The following ACOX2 variants were observed in gnomAD, a reference collection of about 807,000 sequenced individuals.
ACOX2 encodes peroxisomal acyl-coenzyme A oxidase 2.
In ACOX2, 59 loss-of-function variants were observed where a neutral mutation model predicts 77.5. The observed-to-expected ratio is 0.76, with a 90% CI of 0.62 to 0.95. The LOEUF (loss-of-function observed/expected upper bound fraction) is 0.95, where lower values mean the gene tolerates loss of function less well. Among genes scored for constraint, ACOX2 ranks in the 40% least tolerant of loss-of-function variants. ACOX2 has a pLI of 0.00. For missense variants in ACOX2, 837 were observed against 880.4 expected, an observed-to-expected ratio of 0.95 and a Z score of 0.62; for synonymous variants, 317 against 340.1, an observed-to-expected ratio of 0.93 and a Z score of 0.75.
chr3:58,505,237 C>A lies in ACOX2; in HGVS notation c.2033G>T (p.Arg678Ile). The part of the protein sequence containing the change: ...EYIRPLLQSW[R>I]SKL ...CTGTTGGTTATTTCATAGCTTGGAT[C>A]TCCAACTTTGTAAAAGTGGTCTTAT... The change falls in exon 15 of 15, where the codon AGA becomes ATA. Residue 678 changes from arginine to isoleucine, a missense_variant. By Grantham distance (97) the Arg-to-Ile change is moderately conservative (BLOSUM62 -3). Coordinates refer to ENST00000302819, the MANE Select transcript of ACOX2 (RefSeq NM_003500.4). The surrounding 1 kb of genome is among the most constrained non-coding windows in gnomAD (Gnocchi z 4.4). 1 of 1,613,056 alleles carries A rather than the reference C, an allele frequency of 6.2e-7. No individual in the cohort carries two copies. The highest frequency in any genetic ancestry group is 1.3e-5 in the African/African-American group (1 of 75,008).
chr3:58,526,664 A>G lies in ACOX2; in HGVS notation c.1156-8T>C. 1 of 1,612,576 alleles carries G rather than the reference A, an allele frequency of 6.2e-7. No individual in the cohort carries two copies. The highest frequency in any genetic ancestry group is 8.5e-7 in the Non-Finnish European group (1 of 1,179,208). ...CGTGCTCAGTGCGTGGAGCTGTGAG[A>G]ACATGGAGGGGGGTTGGGCGGTGTT... is the stretch of plus-strand genomic sequence containing the variant. On this transcript the variant is annotated splice_polypyrimidine_tract_variant and splice_region_variant and intron_variant, in intron 9 of 14. Transcript: ENST00000302819. The surrounding 1 kb of genome is among the most constrained non-coding windows in gnomAD (Gnocchi z 4.3).
Position 58,524,314 on chromosome 3 carries a change from G to T in ACOX2, c.1526+112C>A. On this transcript the variant is annotated intron_variant, in intron 11 of 14. Transcript: ENST00000302819. This position sits in a 1 kb window ranked among gnomAD's most constrained non-coding sequence, Gnocchi z 5.5. ...GAGAGGACCGGGGAGGCTAGGCATG[G>T]GGTGGTTTTTAGAACTGAATCCACG... The T allele has an allele frequency of 7.4e-7, 1 of 1,347,074 alleles. No homozygotes were observed. The highest frequency in any genetic ancestry group is 1.0e-6 in the Non-Finnish European group (1 of 985,866). The allele number at this position is 1,347,074 out of a possible 1,614,324, so 83.4% of individuals were successfully genotyped here.
rs199567335 is a variant in ACOX2, at chr3:58,534,149, T to C, written c.324-4A>G. The C allele has an allele frequency of 7.3e-5, 118 of 1,613,894 alleles. No homozygotes were observed. The highest frequency in any genetic ancestry group is 1.7e-4 in the Middle Eastern group (1 of 6,044). ...GGCCACGTCTCCAGAAAGGGCTCTGTTGGGGAGAGATGCTGTAGTTGAGTA... is the reference window on the plus strand; with the variant it reads ...GGCCACGTCTCCAGAAAGGGCTCTGCTGGGGAGAGATGCTGTAGTTGAGTA... On this transcript the variant is annotated splice_region_variant and splice_polypyrimidine_tract_variant and intron_variant, in intron 3 of 14. Coordinates refer to ENST00000302819, the MANE Select transcript of ACOX2 (RefSeq NM_003500.4). The surrounding 1 kb of genome is among the most constrained non-coding windows in gnomAD (Gnocchi z 4.8).
At position 58,522,293 on chromosome 3, in the gene ACOX2, T is replaced by C. The variant is rs2063364010; in HGVS notation, c.1632+203A>G. Among the ~76,000 whole-genome samples the C allele has an allele frequency of 6.6e-6, 1 of 152,202 alleles. No individual in the cohort carries two copies. The highest frequency in any genetic ancestry group is 2.1e-4 in the South Asian group (1 of 4,820). ...CCAATAACACTGCCTCATTACCTTT[T>C]CCCCTAAGAGCTGCCAGCAAGATTG... is the stretch of plus-strand genomic sequence containing the variant. On this transcript the variant is annotated intron_variant, in intron 12 of 14. Coordinates refer to ENST00000302819, the MANE Select transcript of ACOX2 (RefSeq NM_003500.4). The surrounding 1 kb of genome is among the most constrained non-coding windows in gnomAD (Gnocchi z 4.3).
chr3:58,536,239 G>A lies in ACOX2; in HGVS notation c.-92+880C>T, dbSNP rs541836567. ...GTTCCCTGGGTGCTCTAGGGTTAGGGACAAGTTCTTATTTGCTTACATGTT... is the reference window on the plus strand; with the variant it reads ...GTTCCCTGGGTGCTCTAGGGTTAGGAACAAGTTCTTATTTGCTTACATGTT... On this transcript the variant is annotated intron_variant, in intron 1 of 14. Coordinates refer to ENST00000302819, the MANE Select transcript of ACOX2 (RefSeq NM_003500.4). Among the ~76,000 whole-genome samples, 4 of 152,172 alleles carry A rather than the reference G, an allele frequency of 2.6e-5. No individual in the cohort carries two copies. The South Asian group carries it at 6.2e-4, about 24-fold the overall frequency.
chr3:58,530,347 G>GT (rs1327460607), intron 8 of ACOX2, 119 bp downstream of exon 8: 1 of 1,385,482 alleles, frequency 7.2e-7, no homozygotes, highest in Admixed American at 1.9e-5. Context: ...TGTGTATGTG[G>GT]TGGGGGGCAT....
rs772840023 is a variant in ACOX2, at chr3:58,528,994, T to G, written c.993-38A>C. On this transcript the variant is annotated intron_variant, in intron 8 of 14. Coordinates refer to ENST00000302819, the MANE Select transcript of ACOX2 (RefSeq NM_003500.4). The surrounding 1 kb of genome is among the most constrained non-coding windows in gnomAD (Gnocchi z 5.6). ...GAACCAGAAGATTTAGATCACTACC[T>G]GTTGTGTCCACCTTCCCCTATCCCC... The G allele has an allele frequency of 5.2e-6, 8 of 1,546,988 alleles. No homozygotes were observed. Among genetic ancestry groups the G allele is most frequent in the Non-Finnish European group, 6.1e-6 (7 of 1,144,318 alleles).
chr3:58,506,467 T>C (rs2063234680), intron 14 of ACOX2, among the ~76,000 whole-genome samples: 2 of 152,218 alleles, frequency 1.3e-5, no homozygotes, highest in Non-Finnish European at 1.5e-5. Flanking sequence ...CTTTTATGTC[T>C]ACAGGGTGTG....
Position 58,517,309 on chromosome 3 carries a change from C to T in ACOX2, c.1747G>A (p.Gly583Arg), listed in dbSNP as rs777996709. 1 of 1,614,158 alleles carries T rather than the reference C, an allele frequency of 6.2e-7. No individual in the cohort carries two copies. Among genetic ancestry groups the T allele is most frequent in the South Asian group, 1.1e-5 (1 of 91,084 alleles). Residue 583 changes from glycine to arginine, a missense_variant, in exon 13 of 15, where the codon GGA becomes AGA. Transcript: ENST00000302819. The part of the protein sequence containing the change: ...KRLCDLHAIH[G>R]ILTNSGDFLH... The stretch of plus-strand genomic sequence containing the variant: ...AAGTCACCCGAGTTAGTCAAGATTC[C>T]ATGTATGGCATGGAGGTCACAGAGG...
intron 13 of ACOX2, among the ~76,000 whole-genome samples, chr3:58,510,194 G>A (rs1187086808): frequency 1.3e-5 from 2 of 151,974 alleles, no homozygotes; most frequent in African/African-American, 4.8e-5. Flanking sequence ...GGTGGTAACT[G>A]GGATACTGTA....
In ACOX2 at chr3:58,528,716, G is replaced by A; in HGVS notation, c.1155+78C>T. ...GGGGAGTGCCCATGGGGATGGGGCT[G>A]TGGCTGCTCCCCAGTGAGTGGAACA... On this transcript the variant is annotated intron_variant, in intron 9 of 14. Coordinates refer to ENST00000302819, the MANE Select transcript of ACOX2 (RefSeq NM_003500.4). The surrounding 1 kb of genome is among the most constrained non-coding windows in gnomAD (Gnocchi z 5.6). The A allele has an allele frequency of 6.8e-7, 1 of 1,477,010 alleles. No individual in the cohort carries two copies. The highest frequency in any genetic ancestry group is 9.0e-7 in the Non-Finnish European group (1 of 1,111,376). 91.5% of individuals were successfully genotyped at this position (1,477,010 alleles called of 1,614,324 possible).
chr3:58,511,758 T>C (rs920817318), intron 13 of ACOX2: 1 of 152,302 alleles, frequency 6.6e-6, no homozygotes, highest in Non-Finnish European at 1.5e-5. Context: ...CACAAGCTTT[T>C]GACTCTATTT....
At chr3:58,536,334 G>A (rs775464799) in intron 1 of ACOX2, among the ~76,000 whole-genome samples, 1 of 152,140 alleles carries the variant, frequency 6.6e-6, no homozygotes, top group African/African-American at 2.4e-5. Context: ...AAATCTCTCC[G>A]GCAGGCTGCC....
rs755338371 is a variant in ACOX2 at position 58,523,874 on chromosome 3, A to G, written c.1526+552T>C. On this transcript the variant is annotated intron_variant, in intron 11 of 14. Coordinates refer to ENST00000302819, the MANE Select transcript of ACOX2 (RefSeq NM_003500.4). The surrounding 1 kb of genome is among the most constrained non-coding windows in gnomAD (Gnocchi z 5.3). Reference sequence around the variant, plus strand: ...CCTCTCTATTCCCAGCCCCTGGCACATTTGTTCATTCCTAACACATAGTAG... The same window carrying G: ...CCTCTCTATTCCCAGCCCCTGGCACGTTTGTTCATTCCTAACACATAGTAG... Among the ~76,000 whole-genome samples, 32 of 152,184 alleles carry G rather than the reference A, an allele frequency of 2.1e-4. 1 individual carries two copies. Among genetic ancestry groups the G allele is most frequent in the Non-Finnish European group, 5.9e-5 (4 of 68,028 alleles).
At chr3:58,508,060 T>G (rs1226080594) in intron 14 of ACOX2, among the ~76,000 whole-genome samples, 1 of 152,248 alleles carries the variant, frequency 6.6e-6, no homozygotes. Flanking sequence ...ACTTTTTGTT[T>G]TGATCATCTA....
intron 13 of ACOX2, among the ~76,000 whole-genome samples, chr3:58,516,142 A>G (rs2063320756): frequency 6.6e-6 from 1 of 152,244 alleles, no homozygotes; most frequent in South Asian, 2.1e-4. Flanking sequence ...TTAATGCTGC[A>G]TTAAAAAACT....
At chr3:58,506,462 A>C (rs1266778880) in intron 14 of ACOX2, among the ~76,000 whole-genome samples, 1 of 152,126 alleles carries the variant, frequency 6.6e-6, no homozygotes, top group African/African-American at 2.4e-5. Context: ...CTGTACTTTT[A>C]TGTCTACAGG....
At chr3:58,511,064 T>C (rs563029954) in intron 13 of ACOX2, 1 of 456,660 alleles carries the variant, frequency 2.2e-6, no homozygotes, top group South Asian at 1.5e-5. Flanking sequence ...ACTAATGAAG[T>C]GGAAGCAGTA....
chr3:58,524,617 A>G lies in ACOX2; in HGVS notation c.1347-12T>C, dbSNP rs2063382224. Reference sequence around the variant, plus strand: ...TCTTCACCAGGAACCTGGGGGTTGGAAGAGGAGGCAGGTGAGAGGGCAGAG... The same window carrying G: ...TCTTCACCAGGAACCTGGGGGTTGGGAGAGGAGGCAGGTGAGAGGGCAGAG... On this transcript the variant is annotated splice_polypyrimidine_tract_variant and intron_variant, in intron 10 of 14. Coordinates refer to ENST00000302819, the MANE Select transcript of ACOX2 (RefSeq NM_003500.4). The surrounding 1 kb of genome is among the most constrained non-coding windows in gnomAD (Gnocchi z 5.5). 2 of 1,612,974 alleles carry G rather than the reference A, an allele frequency of 1.2e-6. No individual in the cohort carries two copies. Among genetic ancestry groups the G allele is most frequent in the Non-Finnish European group, 1.7e-6 (2 of 1,179,754 alleles).
Sources: allele counts gnomAD v4.1 joint callset (sites outside exome capture counted in the v4.1 genomes callset), GRCh38; gene constraint gnomAD v4.1.1; non-coding constraint Gnocchi (gnomAD v3.1); transcripts MANE v1.5; gene names NCBI Gene and HGNC (gene_info 2026-07-23, HGNC 2026-07-21).